Variants in PLEKHM1 observed in about 807,000 individuals in gnomAD.
PLEKHM1 encodes the protein pleckstrin homology and RUN domain containing M1, also known as pleckstrin homology domain-containing family M member 1.
Under a neutral mutation model 94.3 loss-of-function variants are expected in PLEKHM1, and 28 were observed. The ratio of observed to expected loss-of-function variants is 0.30; its 90% confidence interval spans 0.22 to 0.41. PLEKHM1 has a LOEUF of 0.41. PLEKHM1 is among the 10% of genes least tolerant of loss of function. The pLI is 1.00. For synonymous variants in PLEKHM1, 424 were observed against 581.2 expected, an observed-to-expected ratio of 0.73 and a Z score of 3.89; for missense variants, 907 against 1,358.6, an observed-to-expected ratio of 0.67 and a Z score of 5.22.
intron 3 of PLEKHM1, 104 bp from the exon 4 acceptor site, chr17:45,475,830 T>C: frequency 8.3e-7 from 1 of 1,202,498 alleles, no homozygotes; most frequent in Non-Finnish European, 1.2e-6. Context: ...TGCAAATAGA[T>C]ACAGGCATGA....
chr17:45,451,499 G>A (rs192110095), intron 7 of PLEKHM1, among the ~76,000 whole-genome samples: 2 of 152,296 alleles, frequency 1.3e-5, no homozygotes, highest in Admixed American at 1.3e-4. Flanking sequence ...ACCAGAGGGC[G>A]GGTTCTGCTC....
At chr17:45,486,242 ATAAT>A (rs1567810629) in intron 1 of PLEKHM1, among the ~76,000 whole-genome samples, 1 of 145,710 alleles carries the variant, frequency 6.9e-6, no homozygotes, top group Non-Finnish European at 1.5e-5. Flanking sequence ...AAATAAAAAA[ATAAT>A]AATAATAATA....
At chr17:45,464,271 T>A (rs1473788912) in intron 5 of PLEKHM1, among the ~76,000 whole-genome samples, 1 of 152,210 alleles carries the variant, frequency 6.6e-6, no homozygotes, top group Non-Finnish European at 1.5e-5. Flanking sequence ...CCTTTGTCTG[T>A]CCTGTTGTAT....
At chr17:45,460,346 G>A (rs1453386364) in intron 5 of PLEKHM1, 6 of 151,878 alleles carry the variant, frequency 4.0e-5, no homozygotes, top group African/African-American at 7.3e-5. Context: ...TGCAACCCCC[G>A]CCTCCCAGGT....
Position 45,437,356 on chromosome 17 carries a change from G to T in PLEKHM1, c.*502C>A, listed in dbSNP as rs1395109358. Reference sequence around the variant, plus strand: ...CACCCGCTACCTCTAAGCCAGGCCTGAGTGGCTCCTGTGCATCCGCTGGGG... The same window carrying T: ...CACCCGCTACCTCTAAGCCAGGCCTTAGTGGCTCCTGTGCATCCGCTGGGG... On this transcript the variant is annotated 3_prime_UTR_variant, in exon 12 of 12. Transcript: ENST00000430334. The surrounding 1 kb of genome is among the most constrained non-coding windows in gnomAD (Gnocchi z 4.0). 4.4e-6 allele frequency: 2 copies of T among 454,226 alleles called. No homozygotes were observed. The highest frequency in any genetic ancestry group is 1.6e-5 in the South Asian group (1 of 64,484). The allele number at this position is 454,226 out of a possible 1,614,324, so 28.1% of individuals were successfully genotyped here.
intron 5 of PLEKHM1, chr17:45,464,195 G>T: frequency 6.6e-6 from 1 of 152,266 alleles, no homozygotes. Context: ...CCTTCCCAGT[G>T]CTTAGCACAA....
chr17:45,459,228 T>C (rs536810138), intron 5 of PLEKHM1, among the ~76,000 whole-genome samples: 8 of 152,264 alleles, frequency 5.3e-5, no homozygotes, highest in Admixed American at 1.3e-4. Context: ...TTTAGCAAAT[T>C]TTCCTCACCC....
At position 45,480,478 on chromosome 17, in the gene PLEKHM1, C is replaced by T. The variant is rs1371855609; in HGVS notation, c.48+1959G>A. Reference sequence around the variant, plus strand: ...CAGCCTGGGCAGCAGAGGGAGACTCCGTCTCAAAAAAACAAAAAAACAAAA... The same window carrying T: ...CAGCCTGGGCAGCAGAGGGAGACTCTGTCTCAAAAAAACAAAAAAACAAAA... On this transcript the variant is annotated intron_variant, in intron 2 of 11. Coordinates refer to ENST00000430334, the MANE Select transcript of PLEKHM1 (RefSeq NM_014798.3). 4.6e-5 allele frequency among the ~76,000 whole-genome samples: 7 copies of T among 150,692 alleles called. No individual in the cohort carries two copies. In the East Asian group the frequency reaches 5.8e-4, roughly 12 times the overall value.
intron 8 of PLEKHM1, among the ~76,000 whole-genome samples, chr17:45,450,145 C>A (rs566787009): frequency 1.3e-5 from 2 of 152,002 alleles, no homozygotes; most frequent in Admixed American, 1.3e-4. Flanking sequence ...ACCTAGCCAC[C>A]TGCTCATTCA....
intron 1 of PLEKHM1, among the ~76,000 whole-genome samples, chr17:45,486,053 A>G (rs995272332): frequency 6.7e-6 from 1 of 148,164 alleles, no homozygotes; most frequent in African/African-American, 2.5e-5. Context: ...CGTCTCTACT[A>G]AAAATACAAA....
chr17:45,480,498 A>C (rs543051981), intron 2 of PLEKHM1, among the ~76,000 whole-genome samples: 155 of 152,212 alleles, frequency 1.0e-3, no homozygotes, highest in African/African-American at 3.4e-3. Flanking sequence ...AAACAAAAAA[A>C]CAAAAAAACA....
At position 45,480,221 on chromosome 17, in the gene PLEKHM1, G is replaced by A. The variant is rs962173086; in HGVS notation, c.49-2074C>T. Among the ~76,000 whole-genome samples the A allele has an allele frequency of 2.6e-5, 4 of 152,288 alleles. No homozygotes were observed. The East Asian group carries it at 5.8e-4, about 22-fold the overall frequency. ...TTTCTGGCCGGGCACAGTGGCTCACGCCTATAATCCCAGCACTTCGGGAGG... is the reference window on the plus strand; with the variant it reads ...TTTCTGGCCGGGCACAGTGGCTCACACCTATAATCCCAGCACTTCGGGAGG... On this transcript the variant is annotated intron_variant, in intron 2 of 11. Coordinates refer to ENST00000430334, the MANE Select transcript of PLEKHM1 (RefSeq NM_014798.3).
In PLEKHM1 at chr17:45,440,157, T is replaced by C. The variant is rs2050401938; in HGVS notation, c.2901+6A>G. The C allele has an allele frequency of 6.2e-7, 1 of 1,613,080 alleles. No homozygotes were observed. The highest frequency in any genetic ancestry group is 2.2e-5 in the East Asian group (1 of 44,884). Reference sequence around the variant, plus strand: ...GGTCTGGGCGGGGGAAGCATGACACTCTTACCTGTTGGAGGTCAGCAACAC... The same window carrying C: ...GGTCTGGGCGGGGGAAGCATGACACCCTTACCTGTTGGAGGTCAGCAACAC... On this transcript the variant is annotated splice_donor_region_variant and intron_variant, in intron 10 of 11. Coordinates refer to ENST00000430334, the MANE Select transcript of PLEKHM1 (RefSeq NM_014798.3).
rs1434828470 is a variant in PLEKHM1, at chr17:45,478,096, CGTACT to C, written c.95_99del (p.Gln32ArgfsTer9). 6.2e-7 allele frequency: 1 copy of C among 1,614,078 alleles called. No homozygotes were observed. The highest frequency in any genetic ancestry group is 1.3e-5 in the African/African-American group (1 of 74,932). ...CTAGTGACCACCGTGTCCAGGGACA[CGTACT>C]GCTTCTGCAAGGCCTTCACGGATCC... On this transcript the variant is annotated frameshift_variant, in exon 3 of 12. Transcript: ENST00000430334. LOFTEE classifies it high-confidence loss of function.
At position 45,475,372 on chromosome 17, in the gene PLEKHM1, C is replaced by T. The variant is rs1213832607; in HGVS notation, c.651G>A (p.Lys217=). 1.2e-6 allele frequency: 2 copies of T among 1,613,932 alleles called. No individual in the cohort carries two copies. The highest frequency in any genetic ancestry group is 1.7e-5 in the Admixed American group (1 of 59,998). The part of the protein sequence containing the change: ...LSTSGAELQR[K]ESLDSISHSS... ...AATGGGAAATGGAATCCAGAGATTCCTTCCGCTGTAGTTCTGCACCAGAGG... is the reference window on the plus strand; with the variant it reads ...AATGGGAAATGGAATCCAGAGATTCTTTCCGCTGTAGTTCTGCACCAGAGG... Residue 217 remains lysine, a synonymous_variant, in exon 4 of 12, where the codon AAG becomes AAA. Coordinates refer to ENST00000430334, the MANE Select transcript of PLEKHM1 (RefSeq NM_014798.3).
Position 45,453,394 on chromosome 17 carries a change from T to C in PLEKHM1, c.2458A>G (p.Met820Val). The C allele has an allele frequency of 6.2e-7, 1 of 1,613,838 alleles. No individual in the cohort carries two copies. Reference protein sequence around the residue: ...FLLQYLVAIPMEKGLDSQGCF... With the variant: ...FLLQYLVAIPVEKGLDSQGCF... Reference sequence around the variant, plus strand: ...CCTTGGGAGTCAAGGCCTTTCTCCATGGGGATAGCCACCAGGTACTGCAGC... The same window carrying C: ...CCTTGGGAGTCAAGGCCTTTCTCCACGGGGATAGCCACCAGGTACTGCAGC... The change falls in exon 7 of 12, where the codon ATG (methionine) becomes GTG (valine). Residue 820 changes from methionine to valine, a missense_variant. By Grantham distance (21) the Met-to-Val change is conservative. Around this residue, in one of 3 missense-constraint regions of PLEKHM1, gnomAD observed 254 missense variants for 451.1 expected, o/e 0.56. Coordinates refer to ENST00000430334, the MANE Select transcript of PLEKHM1 (RefSeq NM_014798.3). This position sits in a 1 kb window ranked among gnomAD's most constrained non-coding sequence, Gnocchi z 4.1.
At chr17:45,452,426 C>T in intron 7 of PLEKHM1, among the ~76,000 whole-genome samples, 1 of 146,020 alleles carries the variant, frequency 6.8e-6, no homozygotes, top group East Asian at 2.0e-4. Context: ...TCTACTAAAA[C>T]AAACAAACAA....
At chr17:45,450,299 A>G (rs1003744442) in intron 8 of PLEKHM1, among the ~76,000 whole-genome samples, 1 of 152,166 alleles carries the variant, frequency 6.6e-6, no homozygotes, top group African/African-American at 2.4e-5. Flanking sequence ...TATCTAATCT[A>G]TCAAATCTAT....
At chr17:45,470,667 T>A (rs1169117899) in intron 4 of PLEKHM1, among the ~76,000 whole-genome samples, 1 of 151,006 alleles carries the variant, frequency 6.6e-6, no homozygotes, top group Non-Finnish European at 1.5e-5. Flanking sequence ...GGTTTTTTTT[T>A]TTTTTATTTG....
Sources: gnomAD v4.1 joint callset for allele counts (sites outside exome capture counted in the v4.1 genomes callset) on GRCh38, gnomAD v4.1.1 for gene constraint, gnomAD v4.1.1 regional missense constraint, Gnocchi (gnomAD v3.1) non-coding constraint, MANE v1.5 for transcripts, NCBI Gene and HGNC (gene_info 2026-07-23, HGNC 2026-07-21) for gene names.